Variants in XPNPEP3 observed in about 807,000 individuals in gnomAD.
XPNPEP3 encodes X-prolyl aminopeptidase 3, also known as xaa-Pro aminopeptidase 3.
XPNPEP3 carries 41 observed loss-of-function variants against 60.0 expected under a neutral mutation model. That is an observed-to-expected ratio of 0.68 (90% CI 0.53 to 0.89). The LOEUF (loss-of-function observed/expected upper bound fraction) is 0.89, where lower values mean the gene tolerates loss of function less well. Among genes scored for constraint, XPNPEP3 ranks in the 40% least tolerant of loss-of-function variants. XPNPEP3 has a pLI of 0.00. For synonymous variants in XPNPEP3, 212 were observed against 223.2 expected (o/e 0.95, Z 0.45); for missense variants, 598 against 638.9 (o/e 0.94, Z 0.69).
rs2058258696 is a variant in XPNPEP3 at position 40,932,635 on chromosome 22, A to C, written c.*6200A>C. On this transcript the variant is annotated 3_prime_UTR_variant, in exon 10 of 10. Transcript: ENST00000357137. Reference sequence around the variant, plus strand: ...TTGCGCAAGAATCTGAGAAAACTTCAATCTTTACCAGCATTTCTTAATGCT... The same window carrying C: ...TTGCGCAAGAATCTGAGAAAACTTCCATCTTTACCAGCATTTCTTAATGCT... 1.3e-5 allele frequency: 2 copies of C among 152,206 alleles called. No individual in the cohort carries two copies. The highest frequency in any genetic ancestry group is 2.4e-5 in the African/African-American group (1 of 41,454). The allele number at this position is 152,206 out of a possible 1,614,324, so 9.4% of individuals were successfully genotyped here.
intron 3 of XPNPEP3, among the ~76,000 whole-genome samples, chr22:40,884,985 G>A (rs1302462437): frequency 2.0e-5 from 3 of 151,012 alleles, no homozygotes; most frequent in Admixed American, 6.6e-5. Context: ...CCGAGATCGC[G>A]CCACTGCACT....
In XPNPEP3 at chr22:40,857,241, C is replaced by T. The variant is rs200645087; in HGVS notation, c.60C>T (p.Leu20=). ...LVPAVANVRG[L]SGCMLCSQRR... ...CCGCTGTAGCAAACGTCCGCGGCCTCTCAGGTTAGACTCTTCTCCCACGGT... is the reference window on the plus strand; with the variant it reads ...CCGCTGTAGCAAACGTCCGCGGCCTTTCAGGTTAGACTCTTCTCCCACGGT... Residue 20 remains leucine, a synonymous_variant, in exon 1 of 10, where the codon CTC becomes CTT. Coordinates refer to ENST00000357137, the MANE Select transcript of XPNPEP3 (RefSeq NM_022098.4). 10 of 1,614,090 alleles carry T rather than the reference C, an allele frequency of 6.2e-6. No homozygotes were observed. The Middle Eastern group carries it at 4.9e-4, about 80-fold the overall frequency.
chr22:40,909,292 C>G (rs1379559968), intron 6 of XPNPEP3, 57 bp downstream of exon 6: 2 of 1,334,228 alleles, frequency 1.5e-6, no homozygotes, highest in Non-Finnish European at 2.2e-6. Flanking sequence ...TAGTAGAAAA[C>G]CTGCTAACCT....
chr22:40,868,171 T>A (rs2057987987), intron 1 of XPNPEP3, among the ~76,000 whole-genome samples: 1 of 152,210 alleles, frequency 6.6e-6, no homozygotes, highest in African/African-American at 2.4e-5. Context: ...TACTCTATGA[T>A]TAAGCATTTT....
intron 4 of XPNPEP3, among the ~76,000 whole-genome samples, chr22:40,894,657 C>G (rs147292127): frequency 6.6e-6 from 1 of 152,128 alleles, no homozygotes; most frequent in Admixed American, 6.6e-5. Flanking sequence ...TTGTTCAGTG[C>G]GTCACTGGCT....
In XPNPEP3 at chr22:40,926,665, TTAATTC is replaced by T. The variant is rs1337053407; in HGVS notation, c.*233_*238del. ...GTATGTTACTGCAGCTTTGGTAACATTAATTCTATAGAATTAATGATCAGAGCAAGT... is the reference window on the plus strand; with the variant it reads ...GTATGTTACTGCAGCTTTGGTAACATTATAGAATTAATGATCAGAGCAAGT... On this transcript the variant is annotated 3_prime_UTR_variant, in exon 10 of 10. Transcript: ENST00000357137. 1.4e-5 allele frequency: 8 copies of T among 568,500 alleles called. No homozygotes were observed. The highest frequency in any genetic ancestry group is 2.2e-5 in the Non-Finnish European group (7 of 319,144). The allele number at this position is 568,500 out of a possible 1,614,324, so 35.2% of individuals were successfully genotyped here. A position where few individuals can be genotyped will look rare whatever the true frequency, so the allele number is the denominator to read the frequency against.
rs1396903816 is a variant in XPNPEP3, at chr22:40,927,701, G to A, written c.*1266G>A. On this transcript the variant is annotated 3_prime_UTR_variant, in exon 10 of 10. Coordinates refer to ENST00000357137, the MANE Select transcript of XPNPEP3 (RefSeq NM_022098.4). ...CTCCTGGCTAACACGGTGAAACCCCGTCTTTACTAAAAATACAAAAAAAAT... is the reference window on the plus strand; with the variant it reads ...CTCCTGGCTAACACGGTGAAACCCCATCTTTACTAAAAATACAAAAAAAAT... 2.6e-5 allele frequency: 4 copies of A among 151,574 alleles called. No individual in the cohort carries two copies. The highest frequency in any genetic ancestry group is 2.6e-4 in the Admixed American group (4 of 15,160). The allele number at this position is 151,574 out of a possible 1,614,324, so 9.4% of individuals were successfully genotyped here.
At chr22:40,913,764 C>T (rs1221041388) in intron 6 of XPNPEP3, among the ~76,000 whole-genome samples, 3 of 151,940 alleles carry the variant, frequency 2.0e-5, no homozygotes, top group Non-Finnish European at 4.4e-5. Flanking sequence ...TTCACATGCC[C>T]CCTGTTTCAA....
chr22:40,886,044 A>G (rs935452587), intron 3 of XPNPEP3, among the ~76,000 whole-genome samples: 7 of 152,190 alleles, frequency 4.6e-5, no homozygotes, highest in Non-Finnish European at 8.8e-5. Flanking sequence ...GTCCCGTATC[A>G]TCCTTTATAA....
At chr22:40,897,362 G>A (rs1431563478) in intron 4 of XPNPEP3, among the ~76,000 whole-genome samples, 2 of 151,968 alleles carry the variant, frequency 1.3e-5, no homozygotes, top group Non-Finnish European at 2.9e-5. Context: ...GGACACTTGG[G>A]TTGTTTCCAT....
At chr22:40,909,498 C>T (rs2058169183) in intron 6 of XPNPEP3, among the ~76,000 whole-genome samples, 1 of 152,124 alleles carries the variant, frequency 6.6e-6, no homozygotes, top group Non-Finnish European at 1.5e-5. Flanking sequence ...GGCATGGTAG[C>T]TCAGGCCTGT....
chr22:40,903,688 C>T (rs1299683524), intron 4 of XPNPEP3, among the ~76,000 whole-genome samples: 1 of 152,102 alleles, frequency 6.6e-6, no homozygotes, highest in African/African-American at 2.4e-5. Flanking sequence ...CAGGTTTTCA[C>T]CATTTTGGCC....
intron 2 of XPNPEP3, among the ~76,000 whole-genome samples, chr22:40,880,373 G>A (rs2058042754): frequency 1.3e-5 from 2 of 151,548 alleles, no homozygotes; most frequent in Non-Finnish European, 2.9e-5. Context: ...TTGTTCTGTT[G>A]GAAAAGGAAG....
chr22:40,899,621 C>G (rs1406154974), intron 4 of XPNPEP3, among the ~76,000 whole-genome samples: 5 of 151,902 alleles, frequency 3.3e-5, no homozygotes, highest in Non-Finnish European at 7.4e-5. Context: ...AGAGATAAGA[C>G]CATCCTGGCC....
At chr22:40,911,526 A>G (rs544648562) in intron 6 of XPNPEP3, among the ~76,000 whole-genome samples, 3 of 140,884 alleles carry the variant, frequency 2.1e-5, no homozygotes, top group South Asian at 2.2e-4. Flanking sequence ...ATATTGAGGC[A>G]TTTTCTTTCT....
chr22:40,859,799 C>A (rs1280744150), intron 1 of XPNPEP3: 1 of 152,184 alleles, frequency 6.6e-6, no homozygotes, highest in Non-Finnish European at 1.5e-5. Flanking sequence ...CTAGATGTAA[C>A]TCAAACCATT....
At chr22:40,889,019 G>A (rs1249983356) in intron 4 of XPNPEP3, among the ~76,000 whole-genome samples, 1 of 149,936 alleles carries the variant, frequency 6.7e-6, no homozygotes, top group Admixed American at 6.7e-5. Context: ...TTTTTTTTTT[G>A]TTTTGTTTTG....
At chr22:40,910,369 T>C (rs1275489850) in intron 6 of XPNPEP3, among the ~76,000 whole-genome samples, 1 of 152,134 alleles carries the variant, frequency 6.6e-6, no homozygotes, top group African/African-American at 2.4e-5. Context: ...TCTATACAAA[T>C]TGTATGCTCT....
rs182872174 is a variant in XPNPEP3 at position 40,896,399 on chromosome 22, C to T, written c.792+9884C>T. On this transcript the variant is annotated intron_variant, in intron 4 of 9. Transcript: ENST00000357137. ...TATCATTTTAGGCCTAGCACGGTGG[C>T]GCATGCCTGCAATCCCAGCACTCTG... 1.6e-3 allele frequency among the ~76,000 whole-genome samples: 236 copies of T among 152,084 alleles called. 4 individuals carry two copies. The highest frequency in any genetic ancestry group is 5.4e-3 in the African/African-American group (222 of 41,480).
Sources: allele counts gnomAD v4.1 joint callset (sites outside exome capture counted in the v4.1 genomes callset), GRCh38; gene constraint gnomAD v4.1.1; transcripts MANE v1.5; gene names NCBI Gene and HGNC (gene_info 2026-07-23, HGNC 2026-07-21).